Variants in RASAL2 observed in about 807,000 individuals in gnomAD.
RASAL2 encodes the protein ras GTPase-activating protein nGAP.
RASAL2 carries 58 observed loss-of-function variants against 128.9 expected under a neutral mutation model. That is an observed-to-expected ratio of 0.45 (90% CI 0.36 to 0.56). RASAL2 has a LOEUF of 0.56. Ranked by LOEUF, RASAL2 falls within the 20% of genes least tolerant of loss-of-function variation. The pLI is 0.00. For synonymous variants in RASAL2, 561 were observed against 580.8 expected, an observed-to-expected ratio of 0.97 and a Z score of 0.49; for missense variants, 1,360 against 1,601.6, an observed-to-expected ratio of 0.85 and a Z score of 2.57.
intron 3 of RASAL2, among the ~76,000 whole-genome samples, chr1:178,321,724 C>T (rs1668792035): frequency 6.6e-6 from 1 of 151,738 alleles, no homozygotes; most frequent in Non-Finnish European, 1.5e-5. Context: ...TGCAGTGGCT[C>T]ACATCTGTAA....
intron 3 of RASAL2, among the ~76,000 whole-genome samples, chr1:178,320,697 C>A (rs975949940): frequency 6.6e-6 from 1 of 152,188 alleles, no homozygotes; most frequent in Non-Finnish European, 1.5e-5. Context: ...CTGTCTGGCA[C>A]TCCCTAGTGA....
chr1:178,102,690 T>A (rs932464112), intron 1 of RASAL2, among the ~76,000 whole-genome samples: 14 of 152,232 alleles, frequency 9.2e-5, no homozygotes, highest in East Asian at 3.8e-4. Flanking sequence ...CACATTTTTT[T>A]AAATATGTTA....
intron 1 of RASAL2, among the ~76,000 whole-genome samples, chr1:178,150,648 A>C (rs1026002939): frequency 6.6e-6 from 1 of 152,190 alleles, no homozygotes; most frequent in African/African-American, 2.4e-5. Context: ...CTGTGGGATT[A>C]TCTGTTTGTA....
At chr1:178,327,132 A>T (rs917296397) in intron 3 of RASAL2, among the ~76,000 whole-genome samples, 2 of 152,160 alleles carry the variant, frequency 1.3e-5, no homozygotes, top group Non-Finnish European at 2.9e-5. Context: ...CTCTTAAAAC[A>T]TTTCAGTATG....
intron 1 of RASAL2, among the ~76,000 whole-genome samples, chr1:178,272,530 A>G (rs762488960): frequency 6.6e-6 from 1 of 151,768 alleles, no homozygotes; most frequent in Non-Finnish European, 1.5e-5. Context: ...TTTCTTCCTT[A>G]TGTTCATTCT....
chr1:178,246,231 C>G (rs748416560), intron 1 of RASAL2, among the ~76,000 whole-genome samples: 2 of 152,150 alleles, frequency 1.3e-5, no homozygotes, highest in Non-Finnish European at 2.9e-5. Context: ...TTTTTGTCCT[C>G]CCTTATTTCC....
In RASAL2 at chr1:178,452,502, T is replaced by C; in HGVS notation, c.1859T>C (p.Leu620Pro). ...NRGKQDISER[L>P]ISASLFLRFL... Reference sequence around the variant, plus strand: ...GGCAAGCAAGACATCAGCGAGAGGCTCATCAGTGCCTCATTATTTCTCCGT... The same window carrying C: ...GGCAAGCAAGACATCAGCGAGAGGCCCATCAGTGCCTCATTATTTCTCCGT... The change falls in exon 11 of 18, where the codon CTC becomes CCC. Residue 620 changes from leucine to proline, a missense_variant. Coordinates refer to ENST00000367649, the MANE Select transcript of RASAL2 (RefSeq NM_170692.4). 1 of 1,614,058 alleles carries C rather than the reference T, an allele frequency of 6.2e-7. No homozygotes were observed. Among genetic ancestry groups the C allele is most frequent in the Non-Finnish European group, 8.5e-7 (1 of 1,179,932 alleles).
intron 3 of RASAL2, among the ~76,000 whole-genome samples, chr1:178,353,084 T>C (rs1468831020): frequency 1.3e-5 from 2 of 152,248 alleles, no homozygotes; most frequent in African/African-American, 2.4e-5. Context: ...CTATCAGTAC[T>C]TGGCACCTTT....
chr1:178,269,988 C>G (rs1045235187), intron 1 of RASAL2, among the ~76,000 whole-genome samples: 6 of 152,054 alleles, frequency 3.9e-5, no homozygotes, highest in Admixed American at 2.0e-4. Context: ...TTTTTGAGGC[C>G]TTGATTATCT....
chr1:178,244,607 G>A (rs777252229), intron 1 of RASAL2, among the ~76,000 whole-genome samples: 10 of 152,078 alleles, frequency 6.6e-5, no homozygotes, highest in Non-Finnish European at 1.3e-4. Context: ...TGTGCTTAAT[G>A]TGCAGGTTTG....
chr1:178,445,402 T>C, intron 8 of RASAL2, 116 bp from the exon 9 acceptor site: 1 of 1,204,364 alleles, frequency 8.3e-7, no homozygotes, highest in Non-Finnish European at 1.2e-6. Flanking sequence ...TTCAGATGAA[T>C]CTGATAGCTT....
intron 1 of RASAL2, among the ~76,000 whole-genome samples, chr1:178,117,976 C>G (rs1659574942): frequency 6.6e-6 from 1 of 151,870 alleles, no homozygotes. Flanking sequence ...ACCAGCCTGA[C>G]CAACATGATG....
intron 4 of RASAL2, among the ~76,000 whole-genome samples, chr1:178,397,970 A>T (rs1219344415): frequency 6.6e-6 from 1 of 152,016 alleles, no homozygotes; most frequent in Non-Finnish European, 1.5e-5. Flanking sequence ...ATCTCAGTAA[A>T]ACTTTTTAAA....
In RASAL2 at chr1:178,365,849, A is replaced by G. The variant is rs895901657; in HGVS notation, c.458-24251A>G. ...AGTGTATTGAATGTCCGTAAGTTCAATAGTAATCCTCCAAATATTTGAGAC... is the reference window on the plus strand; with the variant it reads ...AGTGTATTGAATGTCCGTAAGTTCAGTAGTAATCCTCCAAATATTTGAGAC... On this transcript the variant is annotated intron_variant, in intron 3 of 17. Transcript: ENST00000367649. Among the ~76,000 whole-genome samples, 5 of 152,224 alleles carry G rather than the reference A, an allele frequency of 3.3e-5. No individual in the cohort carries two copies. The East Asian group carries it at 9.6e-4, about 29-fold the overall frequency.
At chr1:178,113,024 T>C (rs1659390431) in intron 1 of RASAL2, among the ~76,000 whole-genome samples, 3 of 152,210 alleles carry the variant, frequency 2.0e-5, no homozygotes, top group Admixed American at 2.0e-4. Context: ...TCCATTTTGA[T>C]TGTATTTTTG....
chr1:178,097,291 C>T (rs1658727484), intron 1 of RASAL2, among the ~76,000 whole-genome samples: 1 of 152,210 alleles, frequency 6.6e-6, no homozygotes, highest in Admixed American at 6.5e-5. Context: ...TAATTGGTAT[C>T]TGTGGTCCCT....
intron 3 of RASAL2, among the ~76,000 whole-genome samples, chr1:178,313,052 A>G (rs1668334924): frequency 6.6e-6 from 1 of 152,176 alleles, no homozygotes; most frequent in Admixed American, 6.5e-5. Context: ...TAGGCTTTGA[A>G]CCCTGGAAGT....
At chr1:178,426,669 T>G (rs1675535485) in intron 5 of RASAL2, among the ~76,000 whole-genome samples, 1 of 148,484 alleles carries the variant, frequency 6.7e-6, no homozygotes, top group Admixed American at 6.8e-5. Flanking sequence ...ATGTTGGGGG[T>G]GGGGGGATGA....
intron 3 of RASAL2, among the ~76,000 whole-genome samples, chr1:178,314,427 T>C (rs1474089557): frequency 6.6e-6 from 1 of 152,222 alleles, no homozygotes; most frequent in African/African-American, 2.4e-5. Context: ...CTTCCTACTT[T>C]AGATTACAGA....
Sources: gnomAD v4.1 joint callset for allele counts (sites outside exome capture counted in the v4.1 genomes callset) on GRCh38, gnomAD v4.1.1 for gene constraint, MANE v1.5 for transcripts, NCBI Gene and HGNC (gene_info 2026-07-23, HGNC 2026-07-21) for gene names.